Variants in OXR1 observed in about 807,000 individuals in gnomAD.
OXR1 encodes the protein oxidation resistance protein 1.
In OXR1, 41 loss-of-function variants were observed where a neutral mutation model predicts 104.6. The observed-to-expected ratio is 0.39, with a 90% CI of 0.31 to 0.51. OXR1 has a LOEUF of 0.51. OXR1 is among the 20% of genes least tolerant of loss of function. OXR1 has a pLI of 0.77. For synonymous variants in OXR1, 348 were observed against 348.4 expected (o/e 1.00, Z 0.01); for missense variants, 955 against 1,031.9 (o/e 0.93, Z 1.02).
intron 2 of OXR1, among the ~76,000 whole-genome samples, chr8:106,412,514 T>A (rs1364973369): frequency 6.6e-6 from 1 of 152,194 alleles, no homozygotes; most frequent in Non-Finnish European, 1.5e-5. Context: ...AAACAATTCC[T>A]ACGTAAGTAT....
intron 1 of OXR1, chr8:106,271,802 T>G (rs1811824085): frequency 1.3e-5 from 2 of 152,186 alleles, no homozygotes; most frequent in African/African-American, 4.8e-5. Context: ...TTCGGCACTC[T>G]AAGGAGGACT....
chr8:106,715,112 A>T (rs1352761344), intron 11 of OXR1, among the ~76,000 whole-genome samples: 1 of 152,176 alleles, frequency 6.6e-6, no homozygotes, highest in Non-Finnish European at 1.5e-5. Flanking sequence ...GAATACTTAC[A>T]GAATTCCAAA....
intron 1 of OXR1, among the ~76,000 whole-genome samples, chr8:106,305,779 T>C (rs377084754): frequency 5.9e-5 from 9 of 152,272 alleles, no homozygotes; most frequent in African/African-American, 1.9e-4. Flanking sequence ...ATCTGCTTCA[T>C]TACCATTATG....
intron 3 of OXR1, among the ~76,000 whole-genome samples, chr8:106,654,154 A>G (rs1018557106): frequency 1.9e-4 from 29 of 152,106 alleles, no homozygotes; most frequent in African/African-American, 6.8e-4. Context: ...TGCAATCCCT[A>G]TCAAAATTAC....
At chr8:106,486,715 C>G (rs1249703144) in intron 2 of OXR1, among the ~76,000 whole-genome samples, 1 of 151,660 alleles carries the variant, frequency 6.6e-6, no homozygotes, top group Non-Finnish European at 1.5e-5. Context: ...ATTTATATTC[C>G]TGTTTAATTT....
intron 3 of OXR1, among the ~76,000 whole-genome samples, chr8:106,525,364 G>T (rs560777170): frequency 2.0e-5 from 3 of 152,286 alleles, no homozygotes; most frequent in East Asian, 3.9e-4. Context: ...AAATAGCCTA[G>T]ATAGGATCCA....
At chr8:106,273,701 G>C (rs1811909846) in intron 1 of OXR1, among the ~76,000 whole-genome samples, 2 of 152,162 alleles carry the variant, frequency 1.3e-5, no homozygotes, top group Non-Finnish European at 2.9e-5. Flanking sequence ...GTTAATAAGA[G>C]ACTTTCTTTG....
chr8:106,365,537 T>A (rs1456346147), intron 2 of OXR1, among the ~76,000 whole-genome samples: 1 of 152,178 alleles, frequency 6.6e-6, no homozygotes, highest in Non-Finnish European at 1.5e-5. Flanking sequence ...TTATTTGGGT[T>A]AAAGTTAAAT....
chr8:106,696,054 A>G (rs1052185891), intron 7 of OXR1, among the ~76,000 whole-genome samples: 3 of 152,162 alleles, frequency 2.0e-5, no homozygotes, highest in African/African-American at 4.8e-5. Flanking sequence ...ACATTTATCT[A>G]TCATTACAGT....
intron 2 of OXR1, among the ~76,000 whole-genome samples, chr8:106,463,490 A>G (rs1052582416): frequency 6.6e-6 from 1 of 152,046 alleles, no homozygotes; most frequent in African/African-American, 2.4e-5. Flanking sequence ...ATGTCTGTTT[A>G]TGTTCTTTGG....
chr8:106,475,455 G>A (rs572997860), intron 2 of OXR1, among the ~76,000 whole-genome samples: 2 of 151,882 alleles, frequency 1.3e-5, no homozygotes, highest in Non-Finnish European at 2.9e-5. Context: ...TGTCTCATGC[G>A]TGGCAGAGGC....
intron 2 of OXR1, among the ~76,000 whole-genome samples, chr8:106,503,224 A>T (rs2129965353): frequency 6.6e-6 from 1 of 152,304 alleles, no homozygotes; most frequent in East Asian, 1.9e-4. Context: ...ACCCTTCCTT[A>T]GCCAGAGAAC....
At chr8:106,701,371 T>G (rs951642474) in intron 7 of OXR1, among the ~76,000 whole-genome samples, 4 of 152,210 alleles carry the variant, frequency 2.6e-5, no homozygotes, top group Non-Finnish European at 5.9e-5. Context: ...TTCTGTAGAT[T>G]TACTTTTTAT....
At chr8:106,509,418 A>C (rs1306392543) in intron 2 of OXR1, among the ~76,000 whole-genome samples, 6 of 152,244 alleles carry the variant, frequency 3.9e-5, no homozygotes, top group African/African-American at 1.4e-4. Context: ...CTATTAACTC[A>C]GTGTTTGAAA....
chr8:106,271,119 C>A (rs1342585118), intron 1 of OXR1, among the ~76,000 whole-genome samples: 1 of 151,826 alleles, frequency 6.6e-6, no homozygotes, highest in Non-Finnish European at 1.5e-5. Context: ...CAGTATCGGG[C>A]GGAGGAACTG....
chr8:106,318,062 A>G (rs1814047408), intron 1 of OXR1, among the ~76,000 whole-genome samples: 2 of 152,108 alleles, frequency 1.3e-5, no homozygotes, highest in South Asian at 2.1e-4. Context: ...TGTCTTTTCC[A>G]TAAGTTTTAG....
intron 1 of OXR1, among the ~76,000 whole-genome samples, chr8:106,315,951 A>T (rs1382125847): frequency 3.3e-5 from 5 of 152,226 alleles, no homozygotes; most frequent in Non-Finnish European, 7.3e-5. Context: ...AAGAATAATC[A>T]TGAAATGTAT....
At chr8:106,370,510 A>G (rs1390185971) in intron 2 of OXR1, among the ~76,000 whole-genome samples, 1 of 152,184 alleles carries the variant, frequency 6.6e-6, no homozygotes, top group Non-Finnish European at 1.5e-5. Context: ...GCTTTTGCCC[A>G]TTGAAGACGA....
intron 2 of OXR1, among the ~76,000 whole-genome samples, chr8:106,393,091 G>A (rs1213481330): frequency 6.6e-6 from 1 of 152,090 alleles, no homozygotes; most frequent in Non-Finnish European, 1.5e-5. Flanking sequence ...TATGGTTTCT[G>A]TTTCCTTCCT....
Sources: gnomAD v4.1 joint callset for allele counts (sites outside exome capture counted in the v4.1 genomes callset) on GRCh38, gnomAD v4.1.1 for gene constraint, MANE v1.5 for transcripts, NCBI Gene and HGNC (gene_info 2026-07-23, HGNC 2026-07-21) for gene names.